The following DCC variants were observed in gnomAD, a reference collection of about 807,000 sequenced individuals.
The protein encoded by DCC is netrin receptor DCC.
In DCC, 58 loss-of-function variants were observed where a neutral mutation model predicts 172.5. The ratio of observed to expected loss-of-function variants is 0.34; its 90% CI spans 0.27 to 0.42. The LOEUF (loss-of-function observed/expected upper bound fraction) is 0.42, where lower values mean the gene tolerates loss of function less well. Among genes scored for constraint, DCC ranks in the 10% least tolerant of loss-of-function variants. The probability of loss-of-function intolerance (pLI) is 1.00; values close to 1 mark genes in which losing one functional copy is unlikely to be tolerated. For synonymous variants in DCC, 709 were observed against 644.5 expected (o/e 1.10, Z -1.52); for missense variants, 1,740 against 1,791.0 (o/e 0.97, Z 0.51).
At chr18:52,483,792 G>C (rs1160626365) in intron 1 of DCC, among the ~76,000 whole-genome samples, 2 of 151,962 alleles carry the variant, frequency 1.3e-5, no homozygotes, top group Admixed American at 1.3e-4. Context: ...ATTTATTGAT[G>C]ATTTTCTCTG....
chr18:52,883,753 G>C (rs1022868737), intron 2 of DCC, among the ~76,000 whole-genome samples: 1 of 151,916 alleles, frequency 6.6e-6, no homozygotes, highest in African/African-American at 2.4e-5. Flanking sequence ...TACAATTACA[G>C]CGTTATAATA....
intron 1 of DCC, among the ~76,000 whole-genome samples, chr18:52,678,483 G>A (rs1013340248): frequency 4.6e-5 from 7 of 152,068 alleles, no homozygotes; most frequent in Admixed American, 2.6e-4. Context: ...AGAAAATAAA[G>A]CAGAACAATG....
chr18:53,038,940 C>T (rs957017248), intron 5 of DCC, among the ~76,000 whole-genome samples: 3 of 151,718 alleles, frequency 2.0e-5, no homozygotes, highest in African/African-American at 7.3e-5. Context: ...GGACACTTGA[C>T]ATTAGAAAAG....
At chr18:52,658,322 A>G (rs77166426) in intron 1 of DCC, among the ~76,000 whole-genome samples, 10,091 of 152,286 alleles carry the variant, frequency 0.066, 416 homozygotes, top group Non-Finnish European at 0.089. Flanking sequence ...AATTCTCAAA[A>G]CATCCAAATC....
intron 21 of DCC, among the ~76,000 whole-genome samples, chr18:53,427,299 A>T (rs1376808474): frequency 6.6e-6 from 1 of 152,074 alleles, no homozygotes; most frequent in Non-Finnish European, 1.5e-5. Flanking sequence ...GTTACTTCAG[A>T]TATACTAGAG....
chr18:52,876,070 T>A (rs2039399137), intron 2 of DCC, among the ~76,000 whole-genome samples: 1 of 152,098 alleles, frequency 6.6e-6, no homozygotes, highest in Non-Finnish European at 1.5e-5. Flanking sequence ...TTTGATGTTC[T>A]TTAGTGAAAC....
At position 53,499,331 on chromosome 18, in the gene DCC, C is replaced by T. The variant is rs1181783971; in HGVS notation, c.3932C>T (p.Pro1311Leu). The change falls in exon 27 of 29, where the codon CCT becomes CTT. Residue 1311 changes from proline to leucine, a missense_variant. This residue lies in a region of DCC where 1,732 missense variants were observed against 1,767.4 expected (regional missense o/e 0.98). Coordinates refer to ENST00000442544, the MANE Select transcript of DCC (RefSeq NM_005215.4). ...GAAGGACCAACTACCCAACAACCAC[C>T]TATGCTGCCCCCATCTCAGCCTGAG... ...VSEGPTTQQPPMLPPSQPEHS... is the reference protein window; with the variant it reads ...VSEGPTTQQPLMLPPSQPEHS... 4 of 1,614,084 alleles carry T rather than the reference C, an allele frequency of 2.5e-6. No individual in the cohort carries two copies. The highest frequency in any genetic ancestry group is 2.5e-6 in the Non-Finnish European group (3 of 1,180,012).
intron 1 of DCC, among the ~76,000 whole-genome samples, chr18:52,620,740 A>C (rs2034463445): frequency 6.6e-6 from 1 of 152,166 alleles, no homozygotes; most frequent in Non-Finnish European, 1.5e-5. Flanking sequence ...TGTCGGAGGA[A>C]AAAAATAGGT....
chr18:52,559,858 C>T (rs1223581228), intron 1 of DCC, among the ~76,000 whole-genome samples: 1 of 152,256 alleles, frequency 6.6e-6, no homozygotes, highest in South Asian at 2.1e-4. Flanking sequence ...ATTTATGAAG[C>T]TAATCAGGCA....
chr18:53,316,914 T>C (rs2057350250), intron 13 of DCC, among the ~76,000 whole-genome samples: 1 of 152,218 alleles, frequency 6.6e-6, no homozygotes, highest in African/African-American at 2.4e-5. Context: ...TGACTTCCTT[T>C]CTTCCTATCT....
intron 12 of DCC, among the ~76,000 whole-genome samples, chr18:53,277,155 A>G (rs1041611547): frequency 2.6e-5 from 4 of 152,122 alleles, no homozygotes; most frequent in African/African-American, 7.2e-5. Context: ...TAAGATTAAT[A>G]TTGTGTGCCT....
intron 8 of DCC, among the ~76,000 whole-genome samples, chr18:53,165,645 A>T (rs2054906601): frequency 6.6e-6 from 1 of 152,222 alleles, no homozygotes; most frequent in South Asian, 2.1e-4. Flanking sequence ...GAGAATAATG[A>T]TTTTATTTCT....
chr18:53,391,848 C>G lies in DCC; in HGVS notation c.2649C>G (p.Val883=). 1 of 1,613,010 alleles carries G rather than the reference C, an allele frequency of 6.2e-7. No homozygotes were observed. Among genetic ancestry groups the G allele is most frequent in the South Asian group, 1.1e-5 (1 of 91,066 alleles). The change falls in exon 17 of 29, where the codon GTC becomes GTG. Residue 883 remains valine (V), a synonymous_variant. Transcript: ENST00000442544. ...QKTSEVRLYT[V]RWRTSFSASA... Reference sequence around the variant, plus strand: ...CGTCTGAGGTGCGACTTTACACCGTCCGGTGGAGAACCAGCTTTTCTGCAA... The same window carrying G: ...CGTCTGAGGTGCGACTTTACACCGTGCGGTGGAGAACCAGCTTTTCTGCAA...
chr18:52,510,856 A>C (rs185667421), intron 1 of DCC, among the ~76,000 whole-genome samples: 34 of 152,246 alleles, frequency 2.2e-4, no homozygotes, highest in South Asian at 4.2e-4. Flanking sequence ...TGGTGAACTC[A>C]GCTCCTCTCT....
At chr18:53,167,480 A>T (rs1366239219) in intron 8 of DCC, among the ~76,000 whole-genome samples, 3 of 152,198 alleles carry the variant, frequency 2.0e-5, no homozygotes, top group East Asian at 3.9e-4. Flanking sequence ...TGACATGCCA[A>T]AGATGACCGA....
intron 1 of DCC, among the ~76,000 whole-genome samples, chr18:52,735,073 G>C (rs1200117823): frequency 6.6e-6 from 1 of 152,050 alleles, no homozygotes. Context: ...TTCTAATTTT[G>C]TATTACTCTT....
intron 7 of DCC, among the ~76,000 whole-genome samples, chr18:53,076,981 T>C (rs1599103046): frequency 6.6e-6 from 1 of 152,312 alleles, no homozygotes; most frequent in East Asian, 1.9e-4. Context: ...TATGCCACCA[T>C]TGGATGCTGG....
At chr18:52,416,809 G>C (rs1987049326) in intron 1 of DCC, among the ~76,000 whole-genome samples, 1 of 152,036 alleles carries the variant, frequency 6.6e-6, no homozygotes, top group African/African-American at 2.4e-5. Context: ...CACACGATGG[G>C]TCTTGACTCT....
At chr18:52,416,594 T>C (rs1598800955) in intron 1 of DCC, among the ~76,000 whole-genome samples, 1 of 151,902 alleles carries the variant, frequency 6.6e-6, no homozygotes. Context: ...TAGTTAGCTC[T>C]TCTTGTTGAA....
Sources: gnomAD v4.1 joint callset for allele counts (sites outside exome capture counted in the v4.1 genomes callset) on GRCh38, gnomAD v4.1.1 for gene constraint, gnomAD v4.1.1 regional missense constraint, MANE v1.5 for transcripts, NCBI Gene and HGNC (gene_info 2026-07-23, HGNC 2026-07-21) for gene names.